Variants in ARL14EPL observed in about 807,000 individuals in gnomAD.
The protein encoded by ARL14EPL is ARF like GTPase 14 effector protein like, also known as ARL14 effector protein-like.
A neutral mutation model predicts 15.9 loss-of-function variants in ARL14EPL; 17 were observed. The observed-to-expected ratio is 1.07, with a 90% CI of 0.73 to 1.60. The LOEUF (loss-of-function observed/expected upper bound fraction) is 1.60, where lower values mean the gene tolerates loss of function less well. Ranked by LOEUF, ARL14EPL falls within the 40% of genes most tolerant of loss-of-function variation. ARL14EPL has a pLI of 0.00. For synonymous variants in ARL14EPL, 78 were observed against 63.8 expected (o/e 1.22, Z -1.06); for missense variants, 214 against 185.9 (o/e 1.15, Z -0.88).
At chr5:116,053,603 C>G (rs1165062710) in intron 2 of ARL14EPL, among the ~76,000 whole-genome samples, 2 of 152,100 alleles carry the variant, frequency 1.3e-5, no homozygotes, top group Admixed American at 1.3e-4. Flanking sequence ...TGGGTTCTCA[C>G]TGTGGTTTGA....
At chr5:116,034,457 A>G (rs527745826) in intron 1 of ARL14EPL, among the ~76,000 whole-genome samples, 1 of 152,344 alleles carries the variant, frequency 6.6e-6, no homozygotes, top group South Asian at 2.1e-4. Context: ...GGATGAAAGT[A>G]CTAGTAGTAG....
In ARL14EPL at chr5:116,035,169, T is replaced by C. The variant is rs868015271; in HGVS notation, c.-10+2664T>C. ...GACTCTTTTACAGCTGCCTTAGAAGTTTTCTGGTTCTCTGACCATGTCTCA... is the reference window on the plus strand; with the variant it reads ...GACTCTTTTACAGCTGCCTTAGAAGCTTTCTGGTTCTCTGACCATGTCTCA... On this transcript the variant is annotated intron_variant, in intron 1 of 3. Coordinates refer to ENST00000686077, the MANE Select transcript of ARL14EPL (RefSeq NM_001195581.2). Among the ~76,000 whole-genome samples, 7 of 152,148 alleles carry C rather than the reference T, an allele frequency of 4.6e-5. No individual in the cohort carries two copies. In the South Asian group the frequency reaches 1.0e-3, roughly 23 times the overall value.
intron 3 of ARL14EPL, 116 bp downstream of exon 3, chr5:116,054,269 C>A: frequency 8.5e-7 from 1 of 1,173,614 alleles, no homozygotes; most frequent in Non-Finnish European, 1.1e-6. Flanking sequence ...AATATCTCCT[C>A]TGAAATATAA....
rs533043763 is a variant in ARL14EPL at position 116,048,395 on chromosome 5, G to T, written c.-9-3062G>T. Among the ~76,000 whole-genome samples the T allele has an allele frequency of 2.0e-5, 3 of 152,224 alleles. No homozygotes were observed. The South Asian group carries it at 6.2e-4, about 32-fold the overall frequency. On this transcript the variant is annotated intron_variant, in intron 1 of 3. Transcript: ENST00000686077. ...GAGATGGTGGCAGTAGGTTCTCCCT[G>T]CCTTTTGGCAGTTCTTAATCTTATT...
intron 3 of ARL14EPL, 72 bp from the exon 4 acceptor site, chr5:116,058,653 T>G: frequency 3.6e-6 from 5 of 1,395,522 alleles, no homozygotes; most frequent in Non-Finnish European, 4.9e-6. Context: ...ATGATGTTGA[T>G]TGTACATTAA....
At chr5:116,056,025 A>G (rs1749508165) in intron 3 of ARL14EPL, among the ~76,000 whole-genome samples, 1 of 152,106 alleles carries the variant, frequency 6.6e-6, no homozygotes, top group Non-Finnish European at 1.5e-5. Flanking sequence ...TATGTGCCAC[A>G]TTGTCTTAAT....
chr5:116,056,783 C>G (rs986462640), intron 3 of ARL14EPL, among the ~76,000 whole-genome samples: 20 of 152,220 alleles, frequency 1.3e-4, no homozygotes, highest in African/African-American at 4.3e-4. Context: ...GGTTTTAGGT[C>G]TAACATTTAA....
At chr5:116,034,509 GT>G (rs1456534283) in intron 1 of ARL14EPL, among the ~76,000 whole-genome samples, 1 of 152,168 alleles carries the variant, frequency 6.6e-6, no homozygotes, top group Non-Finnish European at 1.5e-5. Context: ...CAAGGTTGAT[GT>G]TTTCCTTCAC....
intron 1 of ARL14EPL, among the ~76,000 whole-genome samples, chr5:116,047,412 G>T (rs180906767): frequency 7.4e-4 from 112 of 152,212 alleles, no homozygotes; most frequent in African/African-American, 2.6e-3. Context: ...TAGTACTGGG[G>T]GTCACCTAAA....
At chr5:116,058,700 T>G in intron 3 of ARL14EPL, 25 bp from the exon 4 acceptor site, 1 of 1,527,690 alleles carries the variant, frequency 6.5e-7, no homozygotes, top group Non-Finnish European at 8.8e-7. Flanking sequence ...CACTGTCATC[T>G]TAATGTCATG....
In ARL14EPL at chr5:116,036,333, G is replaced by A. The variant is rs186848484; in HGVS notation, c.-10+3828G>A. Among the ~76,000 whole-genome samples the A allele has an allele frequency of 1.7e-4, 26 of 152,216 alleles. 1 individual carries two copies. The East Asian group carries it at 4.6e-3, about 27-fold the overall frequency. On this transcript the variant is annotated intron_variant, in intron 1 of 3. Coordinates refer to ENST00000686077, the MANE Select transcript of ARL14EPL (RefSeq NM_001195581.2). ...AGCTTCTAAAACACATACATCTTCC[G>A]TAGACCAGAAATAATACAGTGTCAA...
At chr5:116,039,723 A>T (rs1334499918) in intron 1 of ARL14EPL, among the ~76,000 whole-genome samples, 2 of 152,232 alleles carry the variant, frequency 1.3e-5, no homozygotes, top group Non-Finnish European at 2.9e-5. Flanking sequence ...TTCTTTGAGA[A>T]GATGAGAAAT....
intron 3 of ARL14EPL, among the ~76,000 whole-genome samples, chr5:116,055,457 T>C (rs1453799974): frequency 3.3e-5 from 5 of 152,158 alleles, no homozygotes; most frequent in Non-Finnish European, 5.9e-5. Context: ...GGTATATTTA[T>C]ACAGTGGAAT....
chr5:116,053,282 A>G (rs1749434894), intron 2 of ARL14EPL, among the ~76,000 whole-genome samples: 1 of 149,168 alleles, frequency 6.7e-6, no homozygotes, highest in African/African-American at 2.5e-5. Context: ...AGCCCCGGGG[A>G]TTGAGGCTGC....
intron 1 of ARL14EPL, among the ~76,000 whole-genome samples, chr5:116,043,910 C>G (rs1454880982): frequency 2.0e-5 from 3 of 152,142 alleles, no homozygotes; most frequent in African/African-American, 7.2e-5. Context: ...AGCTAATTGT[C>G]TAAAAGCAAG....
intron 1 of ARL14EPL, among the ~76,000 whole-genome samples, chr5:116,043,735 A>T (rs1319886095): frequency 6.6e-6 from 1 of 152,166 alleles, no homozygotes; most frequent in Non-Finnish European, 1.5e-5. Flanking sequence ...CTTTAATTTT[A>T]AAAAAACCTC....
chr5:116,044,379 G>A (rs569928445), intron 1 of ARL14EPL, among the ~76,000 whole-genome samples: 2 of 152,204 alleles, frequency 1.3e-5, no homozygotes, highest in South Asian at 2.1e-4. Flanking sequence ...ATTAGTATAC[G>A]TCTTAGACAC....
intron 1 of ARL14EPL, among the ~76,000 whole-genome samples, chr5:116,038,470 T>C (rs1180241464): frequency 6.6e-6 from 1 of 152,146 alleles, no homozygotes; most frequent in Non-Finnish European, 1.5e-5. Context: ...AGTGTCAGGC[T>C]AATGGAAGGA....
chr5:116,049,947 TG>T (rs1749340150), intron 1 of ARL14EPL, among the ~76,000 whole-genome samples: 1 of 152,224 alleles, frequency 6.6e-6, no homozygotes, highest in African/African-American at 2.4e-5. Context: ...ATGCAAAGAC[TG>T]AAAAGTTAAG....
Sources: gnomAD v4.1 joint callset for allele counts (sites outside exome capture counted in the v4.1 genomes callset) on GRCh38, gnomAD v4.1.1 for gene constraint, MANE v1.5 for transcripts, NCBI Gene and HGNC (gene_info 2026-07-23, HGNC 2026-07-21) for gene names.